The following PRIM2 variants were observed in gnomAD, a reference collection of about 807,000 sequenced individuals.
The protein encoded by PRIM2 is DNA primase large subunit.
PRIM2 carries 39 observed loss-of-function variants against 67.3 expected under a neutral mutation model. The observed-to-expected ratio is 0.58, with a 90% CI of 0.45 to 0.76. PRIM2 has a LOEUF of 0.76. Ranked by LOEUF, PRIM2 falls within the 30% of genes least tolerant of loss-of-function variation. The pLI is 0.00. For synonymous variants in PRIM2, 143 were observed against 198.7 expected (o/e 0.72, Z 2.36); for missense variants, 398 against 598.7 (o/e 0.66, Z 3.50).
chr6:57,497,024 GC>G (rs1774019778), intron 7 of PRIM2, among the ~76,000 whole-genome samples: 1 of 152,134 alleles, frequency 6.6e-6, no homozygotes, highest in South Asian at 2.1e-4. Context: ...AATGTATGGG[GC>G]TAACTATACT....
intron 5 of PRIM2, among the ~76,000 whole-genome samples, chr6:57,327,530 G>A (rs944380881): frequency 2.0e-5 from 3 of 152,162 alleles, no homozygotes; most frequent in African/African-American, 4.8e-5. Context: ...AGTTTCTATA[G>A]TTTCTTTCAT....
chr6:57,225,925 A>T, the PRIM2 span, among the ~76,000 whole-genome samples: 946 of 152,174 alleles, frequency 6.2e-3, 5 homozygotes, highest in African/African-American at 0.021. Flanking sequence ...TGGAAAAAAA[A>T]TTTTTTCTAG....
At chr6:57,630,530 TTTA>T (rs1159072505) in intron 12 of PRIM2, among the ~76,000 whole-genome samples, 17 of 152,138 alleles carry the variant, frequency 1.1e-4, no homozygotes, top group African/African-American at 3.9e-4. Context: ...ATTAATATGA[TTTA>T]TTATTTCTTC....
intron 7 of PRIM2, among the ~76,000 whole-genome samples, chr6:57,398,240 G>A (rs1019553513): frequency 2.6e-5 from 4 of 152,200 alleles, no homozygotes; most frequent in East Asian, 3.9e-4. Context: ...TTACAGACAT[G>A]AGCCACCACG....
the PRIM2 span, among the ~76,000 whole-genome samples, chr6:57,279,666 A>C: frequency 6.6e-6 from 1 of 152,162 alleles, no homozygotes; most frequent in African/African-American, 2.4e-5. Context: ...GTCTCATTAA[A>C]AAGTGGTGGA....
chr6:57,455,981 G>A (rs1488714648), intron 7 of PRIM2, among the ~76,000 whole-genome samples: 4 of 152,034 alleles, frequency 2.6e-5, no homozygotes, highest in Non-Finnish European at 4.4e-5. Flanking sequence ...GGCAGGCCTG[G>A]TGGTGACAAA....
the PRIM2 span, among the ~76,000 whole-genome samples, chr6:57,297,470 T>C: frequency 6.6e-6 from 1 of 152,028 alleles, no homozygotes; most frequent in Non-Finnish European, 1.5e-5. Context: ...TAGAAAAATA[T>C]CATTTGGCAA....
intron 7 of PRIM2, among the ~76,000 whole-genome samples, chr6:57,435,902 A>C (rs1018065341): frequency 3.3e-5 from 5 of 152,070 alleles, no homozygotes; most frequent in African/African-American, 1.2e-4. Flanking sequence ...ATGTTTTTTG[A>C]GTGTAGTCAC....
At chr6:57,265,810 C>T in the PRIM2 span, among the ~76,000 whole-genome samples, 1 of 152,096 alleles carries the variant, frequency 6.6e-6, no homozygotes, top group African/African-American at 2.4e-5. Context: ...GCAGTTGGTT[C>T]CTAGACACTG....
chr6:57,332,081 GT>G (rs1768073871), intron 5 of PRIM2, among the ~76,000 whole-genome samples: 3 of 151,808 alleles, frequency 2.0e-5, no homozygotes, highest in Admixed American at 6.6e-5. Context: ...CAAACCATGA[GT>G]TTTTGTATGC....
chr6:57,529,220 G>C (rs1774833010), intron 8 of PRIM2, among the ~76,000 whole-genome samples: 2 of 152,040 alleles, frequency 1.3e-5, no homozygotes, highest in African/African-American at 4.8e-5. Flanking sequence ...TGAGGCAGGA[G>C]AATGGCGTGA....
chr6:57,289,348 C>T, the PRIM2 span, among the ~76,000 whole-genome samples: 1 of 152,134 alleles, frequency 6.6e-6, no homozygotes, highest in African/African-American at 2.4e-5. Flanking sequence ...CTGAAAGTGA[C>T]GGGGAGAATG....
chr6:57,403,382 T>G (rs926042019), intron 7 of PRIM2, among the ~76,000 whole-genome samples: 1 of 150,414 alleles, frequency 6.6e-6, no homozygotes, highest in Non-Finnish European at 1.5e-5. Flanking sequence ...TCAGCCTCCC[T>G]AGTAGCTGGG....
At chr6:57,632,273 T>A in intron 13 of PRIM2, 72 bp downstream of exon 13, 1 of 912,976 alleles carries the variant, frequency 1.1e-6, no homozygotes, top group Non-Finnish European at 1.5e-6. Flanking sequence ...GGGTTTTTAG[T>A]TGCAGCAATG....
chr6:57,390,812 G>GTAA (rs1770316732), intron 7 of PRIM2, among the ~76,000 whole-genome samples: 1 of 152,138 alleles, frequency 6.6e-6, no homozygotes, highest in Non-Finnish European at 1.5e-5. Context: ...TTGATTCCAT[G>GTAA]TCTTTGCTAT....
chr6:57,626,353 T>G (rs1311229320), intron 12 of PRIM2, among the ~76,000 whole-genome samples: 1 of 152,242 alleles, frequency 6.6e-6, no homozygotes, highest in African/African-American at 2.4e-5. Context: ...TTTTTGTATA[T>G]GTATGTGTTA....
chr6:57,611,720 T>C (rs1330043548), intron 12 of PRIM2, among the ~76,000 whole-genome samples: 1 of 152,150 alleles, frequency 6.6e-6, no homozygotes, highest in Non-Finnish European at 1.5e-5. Flanking sequence ...ACCTTGGGTT[T>C]GGTGTGTTCC....
At chr6:57,421,002 G>T (rs1475139617) in intron 7 of PRIM2, among the ~76,000 whole-genome samples, 2 of 152,148 alleles carry the variant, frequency 1.3e-5, no homozygotes, top group Non-Finnish European at 2.9e-5. Flanking sequence ...GGGGAGAAAG[G>T]AGAGGCTTTT....
In PRIM2 at chr6:57,436,424, ATGTT is replaced by A. The variant is rs201793357; in HGVS notation, c.693+54259_693+54262del. On this transcript the variant is annotated intron_variant, in intron 7 of 13. Coordinates refer to ENST00000615550, the MANE Select transcript of PRIM2 (RefSeq NM_000947.5). Reference sequence around the variant, plus strand: ...ATGAGAGAGAGAAATTCCTATTTAAATGTTTGATTATTTGTCTTCAGAAAATGTG... The same window carrying A: ...ATGAGAGAGAGAAATTCCTATTTAAATGATTATTTGTCTTCAGAAAATGTG... 1.3e-3 allele frequency among the ~76,000 whole-genome samples: 191 copies of A among 152,332 alleles called. 5 individuals carry two copies. The East Asian group carries it at 0.016, about 13-fold the overall frequency.
Sources: allele counts gnomAD v4.1 joint callset (sites outside exome capture counted in the v4.1 genomes callset), GRCh38; gene constraint gnomAD v4.1.1; transcripts MANE v1.5; gene names NCBI Gene and HGNC (gene_info 2026-07-23, HGNC 2026-07-21).